Variants in SCP2 observed in about 807,000 individuals in gnomAD.
SCP2 encodes SCP-2/3-oxoacyl-CoA thiolase.
In SCP2, 48 loss-of-function variants were observed where a neutral mutation model predicts 71.4. The observed-to-expected ratio is 0.67, with a 90% CI of 0.53 to 0.86. The LOEUF (loss-of-function observed/expected upper bound fraction) is 0.86. Among genes scored for constraint, SCP2 ranks in the 40% least tolerant of loss-of-function variants. The pLI is 0.00. For synonymous variants in SCP2, 220 were observed against 218.1 expected, an observed-to-expected ratio of 1.01 and a Z score of -0.08; for missense variants, 560 against 655.6, an observed-to-expected ratio of 0.85 and a Z score of 1.59.
chr1:52,930,283 C>T (rs1236241792), intron 1 of SCP2, among the ~76,000 whole-genome samples: 1 of 151,104 alleles, frequency 6.6e-6, no homozygotes, highest in Non-Finnish European at 1.5e-5. Context: ...ACGCTTATTA[C>T]ATGTGATGAA....
At chr1:52,970,430 C>T (rs569311304) in intron 6 of SCP2, among the ~76,000 whole-genome samples, 3 of 152,234 alleles carry the variant, frequency 2.0e-5, no homozygotes, top group Non-Finnish European at 2.9e-5. Flanking sequence ...TCTCCTTCAC[C>T]GCTCAATTGC....
intron 10 of SCP2, among the ~76,000 whole-genome samples, chr1:52,983,544 T>A (rs1164337260): frequency 1.3e-5 from 2 of 152,218 alleles, no homozygotes; most frequent in Non-Finnish European, 2.9e-5. Context: ...TGATAATTTA[T>A]GTTGATATAT....
chr1:52,971,581 A>G (rs528815203), intron 6 of SCP2, among the ~76,000 whole-genome samples: 53 of 152,378 alleles, frequency 3.5e-4, no homozygotes, highest in African/African-American at 1.3e-3. Context: ...AAGACTCAAA[A>G]AAATGGGAAA....
intron 14 of SCP2, among the ~76,000 whole-genome samples, chr1:53,047,396 C>T (rs1663888673): frequency 6.6e-6 from 1 of 152,186 alleles, no homozygotes; most frequent in Non-Finnish European, 1.5e-5. Context: ...GGAGGGTCAC[C>T]TTAGAGTCTG....
At chr1:52,959,930 C>T (rs1266470240) in intron 5 of SCP2, among the ~76,000 whole-genome samples, 1 of 151,334 alleles carries the variant, frequency 6.6e-6, no homozygotes. Flanking sequence ...CTCACTCTGC[C>T]GCCCAGGCTG....
At chr1:53,040,408 C>G (rs920628017) in intron 14 of SCP2, among the ~76,000 whole-genome samples, 6 of 152,136 alleles carry the variant, frequency 3.9e-5, no homozygotes, top group African/African-American at 1.4e-4. Flanking sequence ...GCTCTCTGTT[C>G]CCTGTCCGGA....
intron 14 of SCP2, among the ~76,000 whole-genome samples, chr1:53,039,681 T>C (rs1663282809): frequency 6.6e-6 from 1 of 152,220 alleles, no homozygotes; most frequent in Non-Finnish European, 1.5e-5. Flanking sequence ...TGGCCTCTCT[T>C]GATGGTTTCT....
chr1:52,989,726 G>A (rs989161124), intron 11 of SCP2, among the ~76,000 whole-genome samples: 2 of 152,130 alleles, frequency 1.3e-5, no homozygotes, highest in Admixed American at 6.5e-5. Flanking sequence ...AGCCACAACT[G>A]TTCAACAAAG....
intron 6 of SCP2, among the ~76,000 whole-genome samples, chr1:52,967,327 A>G (rs984059767): frequency 7.0e-6 from 1 of 143,000 alleles, no homozygotes; most frequent in African/African-American, 2.6e-5. Context: ...TTGGTAATCT[A>G]TTTTTTTTTT....
rs181373194 is a variant in SCP2, at chr1:53,003,827, C to T, written c.1082-11063C>T. Among the ~76,000 whole-genome samples, 369 of 152,234 alleles carry T rather than the reference C, an allele frequency of 2.4e-3. 1 individual carries two copies. The highest frequency in any genetic ancestry group is 8.7e-3 in the African/African-American group (360 of 41,568). Reference sequence around the variant, plus strand: ...CAGGCGTGAGTCACCACACCCAGCCCCTTTTTCTTTCTTCACAATTTCACG... The same window carrying T: ...CAGGCGTGAGTCACCACACCCAGCCTCTTTTTCTTTCTTCACAATTTCACG... On this transcript the variant is annotated intron_variant, in intron 11 of 15. Transcript: ENST00000371514.
chr1:52,935,812 C>T (rs1348851916), intron 1 of SCP2, among the ~76,000 whole-genome samples: 2 of 151,888 alleles, frequency 1.3e-5, no homozygotes, highest in Non-Finnish European at 2.9e-5. Flanking sequence ...GTAGTGCATG[C>T]TTGTAGTACC....
chr1:53,003,365 C>T (rs554004061), intron 11 of SCP2, among the ~76,000 whole-genome samples: 2 of 152,234 alleles, frequency 1.3e-5, no homozygotes, highest in South Asian at 2.1e-4. Context: ...ACTGCAGGCA[C>T]GCACCTTCAT....
chr1:52,991,386 G>T (rs1477046370), intron 11 of SCP2, among the ~76,000 whole-genome samples: 1 of 148,054 alleles, frequency 6.8e-6, no homozygotes, highest in Non-Finnish European at 1.5e-5. Context: ...TAAACCTCTT[G>T]TTTTTTTTTT....
intron 14 of SCP2, among the ~76,000 whole-genome samples, chr1:53,042,268 T>C (rs1663489050): frequency 1.4e-5 from 2 of 147,952 alleles, no homozygotes; most frequent in Admixed American, 1.3e-4. Context: ...GTAGTGATCT[T>C]TTTTTTTTTT....
chr1:52,979,286 T>G (rs1377660646), intron 9 of SCP2, among the ~76,000 whole-genome samples: 3 of 152,026 alleles, frequency 2.0e-5, no homozygotes, highest in African/African-American at 7.2e-5. Flanking sequence ...ATCCTCCCAC[T>G]TCAGCCTCTC....
intron 14 of SCP2, among the ~76,000 whole-genome samples, chr1:53,040,696 G>C (rs1663355480): frequency 6.6e-6 from 1 of 152,084 alleles, no homozygotes; most frequent in Non-Finnish European, 1.5e-5. Flanking sequence ...ACTCCAGCCT[G>C]GGCGACAGAG....
chr1:53,041,350 C>T (rs1299027795), intron 14 of SCP2, among the ~76,000 whole-genome samples: 2 of 150,358 alleles, frequency 1.3e-5, no homozygotes, highest in Non-Finnish European at 3.0e-5. Context: ...TGCAGTGAGC[C>T]GAGATGGCAC....
intron 3 of SCP2, among the ~76,000 whole-genome samples, chr1:52,948,947 A>AT (rs35066602): frequency 0.41 from 60,191 of 146,338 alleles, 14,357 homozygotes; most frequent in Non-Finnish European, 0.56. Context: ...CCCCAACAAC[A>AT]TTTTTTTTTT....
At chr1:53,037,607 C>T (rs1012581360) in intron 13 of SCP2, among the ~76,000 whole-genome samples, 1 of 151,922 alleles carries the variant, frequency 6.6e-6, no homozygotes, top group African/African-American at 2.4e-5. Context: ...CAGCTTCTTT[C>T]CCCGATGTCC....
Sources: gnomAD v4.1 joint callset for allele counts (sites outside exome capture counted in the v4.1 genomes callset) on GRCh38, gnomAD v4.1.1 for gene constraint, MANE v1.5 for transcripts, NCBI Gene and HGNC (gene_info 2026-07-23, HGNC 2026-07-21) for gene names.